MYO18B: variants seen among roughly 807,000 people sequenced by gnomAD.
MYO18B encodes myosin XVIIIB.
Under a neutral mutation model 273.0 loss-of-function variants are expected in MYO18B, and 204 were observed. The ratio of observed to expected loss-of-function variants is 0.75; its 90% CI spans 0.67 to 0.84. The LOEUF (loss-of-function observed/expected upper bound fraction) is 0.84. Among genes scored for constraint, MYO18B ranks in the 40% least tolerant of loss-of-function variants. MYO18B has a pLI of 0.00. For missense variants in MYO18B, 3,212 were observed against 3,287.6 expected (o/e 0.98, Z 0.56); for synonymous variants, 1,330 against 1,305.7 (o/e 1.02, Z -0.40).
chr22:25,820,931 T>C (rs2089254502), intron 12 of MYO18B, among the ~76,000 whole-genome samples: 1 of 152,206 alleles, frequency 6.6e-6, no homozygotes, highest in Admixed American at 6.5e-5. Flanking sequence ...GAACATGTGA[T>C]ATTTGTCTTT....
At chr22:26,041,302 C>T in the MYO18B span, among the ~76,000 whole-genome samples, 2 of 144,862 alleles carry the variant, frequency 1.4e-5, no homozygotes, top group Admixed American at 1.4e-4. Flanking sequence ...GTCACTAGAG[C>T]CTAGGAATTC....
downstream of MYO18B, among the ~76,000 whole-genome samples, chr22:26,032,062 G>C (rs1372013557): frequency 6.6e-6 from 1 of 152,218 alleles, no homozygotes; most frequent in Non-Finnish European, 1.5e-5. Context: ...TCTTGCACGA[G>C]GTTCTCCCAA....
At position 25,768,619 on chromosome 22, in the gene MYO18B, G is replaced by A. The variant is rs765132726; in HGVS notation, c.703G>A (p.Glu235Lys). The A allele has an allele frequency of 2.2e-5, 33 of 1,526,238 alleles. No homozygotes were observed. Among genetic ancestry groups the A allele is most frequent in the East Asian group, 1.4e-4 (6 of 44,198 alleles). 94.5% of individuals were successfully genotyped at this position (1,526,238 alleles called of 1,614,324 possible). The change falls in exon 4 of 44, where the codon GAG becomes AAG. Residue 235 changes from glutamate (E) to lysine (K), a missense_variant. Coordinates refer to ENST00000335473, the MANE Select transcript of MYO18B (RefSeq NM_032608.7). ...GQGTVALKKG[E>K]EGQSIVGKGL... ...AGGAACTGTGGCACTGAAAAAAGGC[G>A]AGGAGGGTCAAAGCATAGTGGGGAA... is the stretch of plus-strand genomic sequence containing the variant.
At chr22:26,014,634 C>T (rs556295924) in intron 42 of MYO18B, among the ~76,000 whole-genome samples, 1 of 152,320 alleles carries the variant, frequency 6.6e-6, no homozygotes, top group South Asian at 2.1e-4. Context: ...CTTTTATTCT[C>T]TTACATAAAT....
rs1034201660 is a variant in MYO18B at position 25,768,463 on chromosome 22, C to T, written c.547C>T (p.Pro183Ser). The T allele has an allele frequency of 1.3e-6, 2 of 1,594,934 alleles. No homozygotes were observed. Among genetic ancestry groups the T allele is most frequent in the Non-Finnish European group, 1.7e-6 (2 of 1,165,110 alleles). Residue 183 changes from proline to serine, a missense_variant, in exon 4 of 44, where the codon CCC (proline) becomes TCC (serine). By Grantham distance (74) the Pro-to-Ser change is moderately conservative. Transcript: ENST00000335473. ...HDAPPCKTSP[P>S]ATDTGKEKKG... ...CGCCCCCCCTTGCAAGACCTCTCCCCCCGCCACAGATACTGGAAAGGAAAA... is the reference window on the plus strand; with the variant it reads ...CGCCCCCCCTTGCAAGACCTCTCCCTCCGCCACAGATACTGGAAAGGAAAA...
intron 16 of MYO18B, 103 bp downstream of exon 16, chr22:25,833,100 C>A: frequency 9.6e-7 from 1 of 1,038,198 alleles, no homozygotes; most frequent in South Asian, 1.3e-5. Flanking sequence ...ATGCCGTGTG[C>A]ACCTAGAGTC....
intron 31 of MYO18B, among the ~76,000 whole-genome samples, chr22:25,906,163 C>T (rs908720920): frequency 6.6e-6 from 1 of 152,190 alleles, no homozygotes; most frequent in Non-Finnish European, 1.5e-5. Flanking sequence ...CCCTTGTAGA[C>T]ATCCAGTGGA....
At chr22:25,800,815 C>G (rs1287238278) in intron 12 of MYO18B, among the ~76,000 whole-genome samples, 2 of 152,218 alleles carry the variant, frequency 1.3e-5, no homozygotes, top group Admixed American at 1.3e-4. Context: ...GATGTGGGCT[C>G]AAGGACCTGA....
intron 40 of MYO18B, among the ~76,000 whole-genome samples, chr22:26,002,156 C>T (rs76858690): frequency 0.037 from 5,573 of 152,232 alleles, 120 homozygotes; most frequent in African/African-American, 0.058. Flanking sequence ...TTTAAAAGGG[C>T]TAGATAGTAA....
intron 42 of MYO18B, among the ~76,000 whole-genome samples, chr22:26,021,321 T>C (rs1342787182): frequency 6.6e-6 from 1 of 152,212 alleles, no homozygotes; most frequent in African/African-American, 2.4e-5. Context: ...CATCAGTTCA[T>C]TTAATCAGTC....
the MYO18B span, among the ~76,000 whole-genome samples, chr22:26,048,228 A>T: frequency 6.6e-6 from 1 of 151,648 alleles, no homozygotes; most frequent in Admixed American, 6.6e-5. Flanking sequence ...GAGGACAAGA[A>T]CTCTTTCCTG....
intron 42 of MYO18B, among the ~76,000 whole-genome samples, chr22:26,020,546 G>A (rs920657818): frequency 6.6e-6 from 1 of 152,296 alleles, no homozygotes; most frequent in East Asian, 1.9e-4. Flanking sequence ...CAAGGGTTAA[G>A]ATTTTAAAAT....
rs1200497986 is a variant in MYO18B, at chr22:25,763,296, G to A, written c.105G>A (p.Gly35=). 1.2e-6 allele frequency: 2 copies of A among 1,613,064 alleles called. No individual in the cohort carries two copies. The highest frequency in any genetic ancestry group is 3.4e-5 in the Admixed American group (2 of 59,682). ...SPPPLFSVIP[G]GFIKQLVRGT... is the part of the protein sequence containing the mutation. ...CTCCTCTTTTCTCTGTCATCCCAGGGGGCTTCATTAAGCAACTGGTCCGGG... is the reference window on the plus strand; with the variant it reads ...CTCCTCTTTTCTCTGTCATCCCAGGAGGCTTCATTAAGCAACTGGTCCGGG... The change falls in exon 3 of 44, where the codon GGG becomes GGA. Residue 35 remains glycine (G), a synonymous_variant. Coordinates refer to ENST00000335473, the MANE Select transcript of MYO18B (RefSeq NM_032608.7).
Position 25,868,359 on chromosome 22 carries a change from A to G in MYO18B, c.3925A>G (p.Lys1309Glu). The change falls in exon 22 of 44, where the codon AAG becomes GAG. Residue 1309 changes from lysine to glutamate, a missense_variant. Lys to Glu is a moderately conservative substitution (Grantham distance 56, BLOSUM62 1). Transcript: ENST00000335473. ...ELLETLDLEK[K>E]AVAVGHSQVF... Reference sequence around the variant, plus strand: ...CCTGGAGACCCTGGATCTGGAAAAGAAGGCGGTGGCTGTGGGGCACAGCCA... The same window carrying G: ...CCTGGAGACCCTGGATCTGGAAAAGGAGGCGGTGGCTGTGGGGCACAGCCA... 6.2e-7 allele frequency: 1 copy of G among 1,603,148 alleles called. No homozygotes were observed. Among genetic ancestry groups the G allele is most frequent in the Non-Finnish European group, 8.5e-7 (1 of 1,174,896 alleles).
intron 18 of MYO18B, among the ~76,000 whole-genome samples, chr22:25,845,669 CTG>C (rs1393669287): frequency 3.9e-5 from 6 of 152,210 alleles, no homozygotes; most frequent in East Asian, 1.9e-4. Context: ...GCTCCAGAAA[CTG>C]TGTGCCCAGC....
chr22:25,853,383 A>G (rs763664215), intron 21 of MYO18B, among the ~76,000 whole-genome samples: 4 of 152,176 alleles, frequency 2.6e-5, no homozygotes, highest in Non-Finnish European at 4.4e-5. Context: ...AGACAAGGCA[A>G]TGCCTTCTGC....
chr22:25,955,561 G>T (rs934029435), intron 39 of MYO18B, among the ~76,000 whole-genome samples, 197 bp downstream of exon 39: 1 of 152,184 alleles, frequency 6.6e-6, no homozygotes, highest in South Asian at 2.1e-4. Flanking sequence ...CTGGAGGTGG[G>T]CCCAAAGTGG....
intron 12 of MYO18B, among the ~76,000 whole-genome samples, chr22:25,802,571 A>G (rs915841933): frequency 3.3e-5 from 5 of 151,906 alleles, no homozygotes; most frequent in African/African-American, 1.2e-4. Context: ...TGATACAGGA[A>G]ACCTCATCTC....
chr22:25,861,106 C>T lies in MYO18B; in HGVS notation c.3886-7214C>T, dbSNP rs539045270. 2.4e-4 allele frequency among the ~76,000 whole-genome samples: 36 copies of T among 152,212 alleles called. 1 individual carries two copies. The Middle Eastern group carries it at 0.027, about 115-fold the overall frequency. ...ACTGTGTTGCCTAGTCTGGTCTCGA[C>T]CTCCTGGGCTCCAGCAATCCTCTGG... On this transcript the variant is annotated intron_variant, in intron 21 of 43. Transcript: ENST00000335473.
Sources: allele counts gnomAD v4.1 joint callset (sites outside exome capture counted in the v4.1 genomes callset), GRCh38; gene constraint gnomAD v4.1.1; transcripts MANE v1.5; gene names NCBI Gene and HGNC (gene_info 2026-07-23, HGNC 2026-07-21).